The following MTMR2 variants were observed in gnomAD, a reference collection of about 807,000 sequenced individuals.
MTMR2 encodes myotubularin related protein 2.
In MTMR2, 55 loss-of-function variants were observed where a neutral mutation model predicts 86.9. That is an observed-to-expected ratio of 0.63 (90% CI 0.51 to 0.79). The LOEUF is 0.79. Among genes scored for constraint, MTMR2 ranks in the 30% least tolerant of loss-of-function variants. MTMR2 has a pLI of 0.00. For synonymous variants in MTMR2, 241 were observed against 266.8 expected (o/e 0.90, Z 0.94); for missense variants, 659 against 772.3 (o/e 0.85, Z 1.74).
chr11:95,833,898 G>C lies in MTMR2; in HGVS notation c.*1392C>G, dbSNP rs1006077349. The C allele has an allele frequency of 6.6e-6, 1 of 151,784 alleles. No homozygotes were observed. Among genetic ancestry groups the C allele is most frequent in the Non-Finnish European group, 1.5e-5 (1 of 67,858 alleles). 9.4% of individuals were successfully genotyped at this position (151,784 alleles called of 1,614,324 possible). A position where few individuals can be genotyped will look rare whatever the true frequency, so the allele number is the denominator to read the frequency against. On this transcript the variant is annotated 3_prime_UTR_variant, in exon 15 of 15. Coordinates refer to ENST00000346299, the MANE Select transcript of MTMR2 (RefSeq NM_016156.6). Reference sequence around the variant, plus strand: ...TCCTCACTGCAAGACCAAGAGGGAGGCTAAGGTTCAGACTCTCTGTATAGT... The same window carrying C: ...TCCTCACTGCAAGACCAAGAGGGAGCCTAAGGTTCAGACTCTCTGTATAGT...
At chr11:95,836,404 T>C (rs1402080203) in intron 13 of MTMR2, 80 bp from the exon 14 acceptor site, 1 of 1,323,714 alleles carries the variant, frequency 7.6e-7, no homozygotes, top group Non-Finnish European at 1.1e-6. Flanking sequence ...AAGAAGTACT[T>C]TGTTGTCATT....
chr11:95,906,637 C>T (rs1467552730), intron 1 of MTMR2, among the ~76,000 whole-genome samples: 1 of 152,076 alleles, frequency 6.6e-6, no homozygotes, highest in African/African-American at 2.4e-5. Context: ...CACAATCAGC[C>T]ATAAAACAAT....
intron 2 of MTMR2, among the ~76,000 whole-genome samples, chr11:95,883,614 A>G (rs1358941427): frequency 1.3e-5 from 2 of 152,216 alleles, no homozygotes; most frequent in African/African-American, 4.8e-5. Context: ...TTACATCTGT[A>G]TAAGACTTTT....
intron 1 of MTMR2, among the ~76,000 whole-genome samples, chr11:95,915,963 T>C (rs535144287): frequency 6.2e-4 from 95 of 152,232 alleles, no homozygotes; most frequent in African/African-American, 2.2e-3. Flanking sequence ...ATTATAAAAA[T>C]CTGACCCAAG....
chr11:95,895,830 T>C (rs1865861201), intron 1 of MTMR2, among the ~76,000 whole-genome samples: 1 of 152,022 alleles, frequency 6.6e-6, no homozygotes, highest in Admixed American at 6.6e-5. Flanking sequence ...AAACAAAATA[T>C]ATATTAAAAA....
At chr11:95,907,078 T>C (rs920524452) in intron 1 of MTMR2, among the ~76,000 whole-genome samples, 4 of 151,808 alleles carry the variant, frequency 2.6e-5, no homozygotes, top group African/African-American at 9.7e-5. Context: ...AAAGTGGAAG[T>C]TGGTTCTTTG....
At chr11:95,903,619 C>CA (rs1866153648) in intron 1 of MTMR2, among the ~76,000 whole-genome samples, 1 of 152,162 alleles carries the variant, frequency 6.6e-6, no homozygotes, top group African/African-American at 2.4e-5. Flanking sequence ...ATTACTATTT[C>CA]ATATTTTCTT....
Position 95,917,547 on chromosome 11 carries a change from T to G in MTMR2, c.80+6328A>C, listed in dbSNP as rs909601887. Among the ~76,000 whole-genome samples the G allele has an allele frequency of 1.2e-4, 18 of 152,078 alleles. No individual in the cohort carries two copies. The South Asian group carries it at 2.1e-3, about 18-fold the overall frequency. ...ACGCAGCTGAAAATCCGCATATAATTTTGACTCCCCAAACTACTCCCCAGA... is the reference window on the plus strand; with the variant it reads ...ACGCAGCTGAAAATCCGCATATAATGTTGACTCCCCAAACTACTCCCCAGA... On this transcript the variant is annotated intron_variant, in intron 1 of 14. Coordinates refer to ENST00000346299, the MANE Select transcript of MTMR2 (RefSeq NM_016156.6).
At chr11:95,900,820 T>C (rs531199616) in intron 1 of MTMR2, among the ~76,000 whole-genome samples, 1 of 152,328 alleles carries the variant, frequency 6.6e-6, no homozygotes, top group South Asian at 2.1e-4. Context: ...ATGAGAATCA[T>C]TAATAACACT....
At chr11:95,891,510 A>G in intron 1 of MTMR2, among the ~76,000 whole-genome samples, 1 of 152,172 alleles carries the variant, frequency 6.6e-6, no homozygotes. Context: ...AGTATAAAGT[A>G]AATAAATCTA....
Position 95,862,259 on chromosome 11 carries a change from A to G in MTMR2, c.357+13T>C. Reference sequence around the variant, plus strand: ...ACACTCATGTACATACAAAAATCTAATCTGACTCTTACCCGTTCCATGCTT... The same window carrying G: ...ACACTCATGTACATACAAAAATCTAGTCTGACTCTTACCCGTTCCATGCTT... On this transcript the variant is annotated intron_variant, in intron 4 of 14. Transcript: ENST00000346299. The G allele has an allele frequency of 6.3e-7, 1 of 1,588,730 alleles. No individual in the cohort carries two copies. Among genetic ancestry groups the G allele is most frequent in the Non-Finnish European group, 8.6e-7 (1 of 1,159,868 alleles).
At chr11:95,921,411 A>G (rs1251160324) in intron 1 of MTMR2, among the ~76,000 whole-genome samples, 1 of 152,254 alleles carries the variant, frequency 6.6e-6, no homozygotes, top group African/African-American at 2.4e-5. Context: ...TAGGCCAAAC[A>G]GCAATAATTT....
chr11:95,854,047 G>C (rs1040256804), intron 7 of MTMR2, among the ~76,000 whole-genome samples: 4 of 152,092 alleles, frequency 2.6e-5, no homozygotes, highest in African/African-American at 9.7e-5. Context: ...ATTCACGTAA[G>C]TAGCAGGGTG....
At position 95,905,104 on chromosome 11, in the gene MTMR2, C is replaced by T. The variant is rs189066096; in HGVS notation, c.81-16843G>A. Among the ~76,000 whole-genome samples, 13 of 152,214 alleles carry T rather than the reference C, an allele frequency of 8.5e-5. No homozygotes were observed. In the East Asian group the frequency reaches 1.5e-3, roughly 18 times the overall value. ...TGACTTCCAGAACTCTATACTCTTA[C>T]GGTTTTTCTCCTATTCCCTAGCCAA... On this transcript the variant is annotated intron_variant, in intron 1 of 14. Coordinates refer to ENST00000346299, the MANE Select transcript of MTMR2 (RefSeq NM_016156.6).
chr11:95,899,054 A>G (rs973489582), intron 1 of MTMR2, among the ~76,000 whole-genome samples: 1 of 152,184 alleles, frequency 6.6e-6, no homozygotes, highest in East Asian at 1.9e-4. Flanking sequence ...AAGCAATGAG[A>G]GACCTCTGAA....
chr11:95,836,959 A>C (rs754969595), intron 13 of MTMR2, among the ~76,000 whole-genome samples: 1 of 152,030 alleles, frequency 6.6e-6, no homozygotes, highest in Non-Finnish European at 1.5e-5. Context: ...CCAGTCAACT[A>C]TACACTATCA....
rs759086106 is a variant in MTMR2, at chr11:95,862,273, C to T, written c.356G>A (p.Arg119Gln). ...NYRLYFKSME[R>Q]DPPFVLDASL... is the part of the protein sequence containing the mutation. ...ACAAAAATCTAATCTGACTCTTACC[C>T]GTTCCATGCTTTTGAAATATAACCT... Residue 119 changes from arginine to glutamine, a missense_variant and splice_region_variant, in exon 4 of 15, where the codon CGG becomes CAG. Coordinates refer to ENST00000346299, the MANE Select transcript of MTMR2 (RefSeq NM_016156.6). 3.5e-5 allele frequency: 57 copies of T among 1,613,160 alleles called. No individual in the cohort carries two copies. The highest frequency in any genetic ancestry group is 4.5e-5 in the Non-Finnish European group (53 of 1,179,376).
chr11:95,882,720 G>GTAT, intron 2 of MTMR2, among the ~76,000 whole-genome samples: 1 of 147,640 alleles, frequency 6.8e-6, no homozygotes, highest in African/African-American at 2.5e-5. Flanking sequence ...TAATTATTTT[G>GTAT]TGTTGTTTTT....
rs1863978401 is a variant in MTMR2, at chr11:95,850,604, A to G, written c.800T>C (p.Ile267Thr). ...RVASFRSRGR[I>T]PVLSWIHPES... ...TCATCCAAACTTCCTACTTACTGGG[A>G]TACGGCCTCTTGATCTGAAGGATGC... is the stretch of plus-strand genomic sequence containing the variant. Residue 267 changes from isoleucine (I) to threonine (T), a missense_variant, in exon 8 of 15, where the codon ATC becomes ACC. This residue lies in a region of MTMR2 where 387 missense variants were observed against 526.3 expected (regional missense o/e 0.74). Transcript: ENST00000346299. The G allele has an allele frequency of 6.2e-7, 1 of 1,614,048 alleles. No homozygotes were observed. The highest frequency in any genetic ancestry group is 8.5e-7 in the Non-Finnish European group (1 of 1,180,000).
Sources: allele counts gnomAD v4.1 joint callset (sites outside exome capture counted in the v4.1 genomes callset), GRCh38; gene constraint gnomAD v4.1.1; regional missense constraint gnomAD v4.1.1; transcripts MANE v1.5; gene names NCBI Gene and HGNC (gene_info 2026-07-23, HGNC 2026-07-21).